Variants in PLD5 observed in about 807,000 individuals in gnomAD.
PLD5 encodes the protein phospholipase D family member 5, also known as inactive phospholipase D5.
In PLD5, 36 loss-of-function variants were observed where a neutral mutation model predicts 61.1. The ratio of observed to expected loss-of-function variants is 0.59; its 90% confidence interval spans 0.45 to 0.78. The LOEUF is 0.78. Among genes scored for constraint, PLD5 ranks in the 30% least tolerant of loss-of-function variants. The pLI is 0.00. For synonymous variants in PLD5, 243 were observed against 242.8 expected (o/e 1.00, Z -0.01); for missense variants, 515 against 644.4 (o/e 0.80, Z 2.17).
chr1:242,432,998 G>A (rs1475077461), intron 1 of PLD5, among the ~76,000 whole-genome samples: 1 of 152,020 alleles, frequency 6.6e-6, no homozygotes, highest in Admixed American at 6.6e-5. Flanking sequence ...AGATGGCAAG[G>A]AGCACAATGA....
chr1:242,118,749 G>C (rs1162895133), intron 6 of PLD5, among the ~76,000 whole-genome samples: 1 of 152,174 alleles, frequency 6.6e-6, no homozygotes, highest in Non-Finnish European at 1.5e-5. Flanking sequence ...GTTTATGAAG[G>C]AAATGCATAA....
chr1:242,329,680 G>T (rs1334155099), intron 2 of PLD5, among the ~76,000 whole-genome samples: 1 of 152,140 alleles, frequency 6.6e-6, no homozygotes, highest in East Asian at 1.9e-4. Flanking sequence ...ATTCTTACTG[G>T]TTCCTAATCC....
chr1:242,431,805 T>C (rs1217879992), intron 1 of PLD5, among the ~76,000 whole-genome samples: 2 of 152,234 alleles, frequency 1.3e-5, no homozygotes, highest in African/African-American at 4.8e-5. Context: ...CTAAGTACTC[T>C]GTTTTTACTC....
chr1:242,498,391 TG>T (rs1668445962), intron 1 of PLD5, among the ~76,000 whole-genome samples: 1 of 152,244 alleles, frequency 6.6e-6, no homozygotes, highest in South Asian at 2.1e-4. Flanking sequence ...ATTAATATTT[TG>T]GAGTATCTCC....
chr1:242,137,313 G>A (rs1012098048), intron 5 of PLD5, among the ~76,000 whole-genome samples: 1 of 152,100 alleles, frequency 6.6e-6, no homozygotes. Context: ...ATCTCTTTGC[G>A]CTCAGCTCTT....
At chr1:242,488,652 G>A (rs904205948) in intron 1 of PLD5, among the ~76,000 whole-genome samples, 4 of 152,096 alleles carry the variant, frequency 2.6e-5, no homozygotes, top group African/African-American at 7.2e-5. Context: ...ATATTATGAC[G>A]GTGGATATAT....
chr1:242,309,817 T>C (rs868485157), intron 2 of PLD5, among the ~76,000 whole-genome samples: 53 of 150,514 alleles, frequency 3.5e-4, no homozygotes, highest in Non-Finnish European at 4.1e-4. Flanking sequence ...TTGCTCAATA[T>C]AGATATTTTG....
intron 8 of PLD5, among the ~76,000 whole-genome samples, chr1:242,104,769 C>T (rs1660922085): frequency 6.6e-6 from 1 of 152,194 alleles, no homozygotes; most frequent in Non-Finnish European, 1.5e-5. Flanking sequence ...GAACTTCCTG[C>T]CTTGGACTCC....
rs1050103215 is a variant in PLD5, at chr1:242,524,239, G to A, written c.38C>T (p.Pro13Leu). 1.1e-5 allele frequency: 17 copies of A among 1,512,986 alleles called. 1 individual carries two copies. The highest frequency in any genetic ancestry group is 6.1e-5 in the South Asian group (5 of 82,608). The allele number at this position is 1,512,986 out of a possible 1,614,324, so 93.7% of individuals were successfully genotyped here. Reference sequence around the variant, plus strand: ...CCTCATCTGCTCGAAGCCCTCATGGGGGGAGGCCGAGAGCCACTCGTGCTG... The same window carrying A: ...CCTCATCTGCTCGAAGCCCTCATGGAGGGAGGCCGAGAGCCACTCGTGCTG... ...IRQHEWLSAS[P>L]HEGFEQMRLK... Residue 13 changes from proline to leucine, a missense_variant, in exon 1 of 10, where the codon CCC becomes CTC. Pro to Leu is a moderately conservative substitution (Grantham distance 98). Around this residue, in one of 2 missense-constraint regions of PLD5, gnomAD observed 65 missense variants for 46.3 expected, o/e 1.40. Transcript: ENST00000536534.
Position 242,346,972 on chromosome 1 carries a change from C to A in PLD5, c.326+1134G>T, listed in dbSNP as rs565678334. 1.1e-4 allele frequency among the ~76,000 whole-genome samples: 17 copies of A among 152,300 alleles called. No homozygotes were observed. The East Asian group carries it at 2.5e-3, about 22-fold the overall frequency. On this transcript the variant is annotated intron_variant, in intron 2 of 9. Coordinates refer to ENST00000536534, the MANE Select transcript of PLD5 (RefSeq NM_001372062.1). Reference sequence around the variant, plus strand: ...GCTTTCAATTCCATTCATGTCCCTGCAAAGGACGTGATCTTGTTCCTTTTT... The same window carrying A: ...GCTTTCAATTCCATTCATGTCCCTGAAAAGGACGTGATCTTGTTCCTTTTT...
At chr1:242,426,309 T>TA (rs56996310) in intron 1 of PLD5, among the ~76,000 whole-genome samples, 29,510 of 119,684 alleles carry the variant, frequency 0.25, 3,806 homozygotes, top group African/African-American at 0.38. Flanking sequence ...CGTTTCCAGT[T>TA]AAAAAAAAAA....
intron 1 of PLD5, among the ~76,000 whole-genome samples, chr1:242,348,860 C>T (rs1210317050): frequency 3.9e-5 from 6 of 152,270 alleles, no homozygotes; most frequent in Middle Eastern, 3.4e-3. Flanking sequence ...CAAGACCGTC[C>T]TGGCTAACAC....
chr1:242,499,852 A>G (rs565172449), intron 1 of PLD5, among the ~76,000 whole-genome samples: 29 of 152,246 alleles, frequency 1.9e-4, no homozygotes, highest in Non-Finnish European at 4.0e-4. Context: ...GGGAAGACTT[A>G]AGTTGCTGGG....
intron 1 of PLD5, among the ~76,000 whole-genome samples, chr1:242,468,363 C>A (rs1327916406): frequency 6.6e-6 from 1 of 152,012 alleles, no homozygotes; most frequent in Non-Finnish European, 1.5e-5. Flanking sequence ...CGTAAATTAT[C>A]CTTATTTTTT....
At chr1:242,417,609 G>T (rs1165875255) in intron 1 of PLD5, among the ~76,000 whole-genome samples, 1 of 152,254 alleles carries the variant, frequency 6.6e-6, no homozygotes, top group Non-Finnish European at 1.5e-5. Flanking sequence ...TGGTGCTTCA[G>T]TAAAAGTTGC....
chr1:242,111,529 C>T (rs1262877226), intron 7 of PLD5, among the ~76,000 whole-genome samples: 1 of 151,454 alleles, frequency 6.6e-6, no homozygotes, highest in Non-Finnish European at 1.5e-5. Flanking sequence ...TTTTTTTTCT[C>T]TTTCATCTGG....
intron 4 of PLD5, among the ~76,000 whole-genome samples, chr1:242,225,121 A>T (rs1000997641): frequency 6.6e-6 from 1 of 152,212 alleles, no homozygotes; most frequent in African/African-American, 2.4e-5. Context: ...CGTGAGACCC[A>T]TTCATGCTGT....
Position 242,406,505 on chromosome 1 carries a change from T to C in PLD5, c.190-58263A>G, listed in dbSNP as rs557830767. Among the ~76,000 whole-genome samples the C allele has an allele frequency of 3.9e-5, 6 of 152,362 alleles. No individual in the cohort carries two copies. The South Asian group carries it at 1.2e-3, about 32-fold the overall frequency. The stretch of plus-strand genomic sequence containing the variant: ...AATTCTGTGGATCCCTAAAGGTTGA[T>C]CCGTCACTAGGCATGTGTTAAATAG... On this transcript the variant is annotated intron_variant, in intron 1 of 9. Coordinates refer to ENST00000536534, the MANE Select transcript of PLD5 (RefSeq NM_001372062.1).
At chr1:242,253,286 C>T (rs563839302) in intron 4 of PLD5, among the ~76,000 whole-genome samples, 1 of 149,200 alleles carries the variant, frequency 6.7e-6, no homozygotes, top group Non-Finnish European at 1.5e-5. Flanking sequence ...TGTGAATCAC[C>T]ACACCCAGCC....
Sources: allele counts gnomAD v4.1 joint callset (sites outside exome capture counted in the v4.1 genomes callset), GRCh38; gene constraint gnomAD v4.1.1; regional missense constraint gnomAD v4.1.1; transcripts MANE v1.5; gene names NCBI Gene and HGNC (gene_info 2026-07-23, HGNC 2026-07-21).